Variants in LRIG1 observed in about 807,000 individuals in gnomAD.
LRIG1 encodes leucine rich repeats and immunoglobulin like domains 1, also known as leucine-rich repeats and immunoglobulin-like domains protein 1.
In LRIG1, 48 loss-of-function variants were observed where a neutral mutation model predicts 99.2. The observed-to-expected ratio is 0.48, with a 90% CI of 0.38 to 0.62. The LOEUF (loss-of-function observed/expected upper bound fraction) is 0.62, where lower values mean the gene tolerates loss of function less well. Ranked by LOEUF, LRIG1 falls within the 20% of genes least tolerant of loss-of-function variation. The pLI, the probability that LRIG1 is intolerant of heterozygous loss-of-function variation, is 0.00. For synonymous variants in LRIG1, 772 were observed against 596.1 expected (o/e 1.29, Z -4.30); for missense variants, 1,646 against 1,434.4 (o/e 1.15, Z -2.38).
chr3:66,389,654 T>C (rs201479870), intron 12 of LRIG1, among the ~76,000 whole-genome samples: 31 of 152,258 alleles, frequency 2.0e-4, no homozygotes, highest in East Asian at 7.7e-4. Context: ...ATATACCTAA[T>C]GGAGCGCCAC....
At chr3:66,393,942 G>C in intron 12 of LRIG1, 98 bp downstream of exon 12, 4 of 1,317,796 alleles carry the variant, frequency 3.0e-6, no homozygotes, top group Non-Finnish European at 4.3e-6. Context: ...ACGGGCTGGG[G>C]TTTACTCTGA....
intron 2 of LRIG1, among the ~76,000 whole-genome samples, chr3:66,460,175 G>A (rs1027071737): frequency 6.6e-6 from 1 of 152,176 alleles, no homozygotes; most frequent in Non-Finnish European, 1.5e-5. Context: ...CTGGACAGAG[G>A]AGATGCTCGA....
chr3:66,408,179 A>G (rs75256521), intron 7 of LRIG1, among the ~76,000 whole-genome samples: 2,588 of 152,302 alleles, frequency 0.017, 82 homozygotes, highest in African/African-American at 0.059. Flanking sequence ...TTGGTCATCT[A>G]TCGTTGAAAA....
chr3:66,417,111 C>T lies in LRIG1; in HGVS notation c.503+18G>A, dbSNP rs369910498. 17 of 1,612,066 alleles carry T rather than the reference C, an allele frequency of 1.1e-5. No homozygotes were observed. In the African/African-American group the frequency reaches 1.9e-4, roughly 18 times the overall value. On this transcript the variant is annotated intron_variant, in intron 4 of 18. Coordinates refer to ENST00000273261, the MANE Select transcript of LRIG1 (RefSeq NM_015541.3). ...GACACAGCGGGCCAGCCACAGGTGGCAGAACAGAGGCACTTACAGCTCCTT... is the reference window on the plus strand; with the variant it reads ...GACACAGCGGGCCAGCCACAGGTGGTAGAACAGAGGCACTTACAGCTCCTT...
intron 3 of LRIG1, among the ~76,000 whole-genome samples, chr3:66,443,752 G>A (rs1703625007): frequency 1.3e-5 from 2 of 152,214 alleles, no homozygotes; most frequent in South Asian, 2.1e-4. Flanking sequence ...GGCCTTGAGT[G>A]GGGCATGTGC....
chr3:66,397,848 G>C (rs943087274), intron 11 of LRIG1, among the ~76,000 whole-genome samples: 1 of 152,252 alleles, frequency 6.6e-6, no homozygotes, highest in African/African-American at 2.4e-5. Context: ...TGGTTAGCAA[G>C]CTTCAGCCTG....
intron 9 of LRIG1, among the ~76,000 whole-genome samples, chr3:66,403,831 C>T (rs1178777893): frequency 1.3e-5 from 2 of 152,182 alleles, no homozygotes; most frequent in East Asian, 1.9e-4. Flanking sequence ...ACCCTTCAAT[C>T]GGTTATGGCC....
intron 4 of LRIG1, among the ~76,000 whole-genome samples, chr3:66,415,880 G>T (rs963450395): frequency 6.6e-5 from 10 of 152,200 alleles, no homozygotes; most frequent in Non-Finnish European, 1.5e-4. Flanking sequence ...CCAAACAAAT[G>T]CTGCTTTTTC....
intron 7 of LRIG1, among the ~76,000 whole-genome samples, chr3:66,409,184 A>G (rs1702384469): frequency 1.3e-5 from 2 of 152,166 alleles, no homozygotes; most frequent in South Asian, 2.1e-4. Flanking sequence ...AAGCCTAGAA[A>G]AGGAAGAAAA....
At chr3:66,472,994 TA>T (rs957489659) in intron 1 of LRIG1, among the ~76,000 whole-genome samples, 9 of 151,176 alleles carry the variant, frequency 6.0e-5, no homozygotes, top group East Asian at 1.9e-4. Context: ...GTCAGAAGAT[TA>T]AAAAAAAAGC....
At chr3:66,416,875 CTGA>C (rs1702631196) in intron 4 of LRIG1, among the ~76,000 whole-genome samples, 1 of 152,242 alleles carries the variant, frequency 6.6e-6, no homozygotes, top group Non-Finnish European at 1.5e-5. Flanking sequence ...TCTTGGAGTG[CTGA>C]GTCCTTCCTG....
intron 3 of LRIG1, among the ~76,000 whole-genome samples, chr3:66,431,421 C>T (rs774721104): frequency 6.6e-6 from 1 of 152,192 alleles, no homozygotes; most frequent in Non-Finnish European, 1.5e-5. Context: ...AACCAAGAAG[C>T]GTCCGCACTA....
chr3:66,429,504 G>A (rs1703086923), intron 3 of LRIG1, among the ~76,000 whole-genome samples: 1 of 152,174 alleles, frequency 6.6e-6, no homozygotes, highest in Non-Finnish European at 1.5e-5. Flanking sequence ...CCAAATGTAT[G>A]ACATTCTGAG....
At chr3:66,447,423 T>G (rs1703765114) in intron 3 of LRIG1, among the ~76,000 whole-genome samples, 2 of 152,114 alleles carry the variant, frequency 1.3e-5, no homozygotes, top group South Asian at 4.1e-4. Context: ...TTTTCAAGAT[T>G]AGAAGTAAAA....
intron 1 of LRIG1, among the ~76,000 whole-genome samples, chr3:66,486,377 C>T (rs922042941): frequency 2.6e-5 from 4 of 152,146 alleles, no homozygotes; most frequent in Non-Finnish European, 4.4e-5. Context: ...AACCACCGTG[C>T]GTCATGAACC....
At chr3:66,385,708 C>G (rs1701339594) in intron 13 of LRIG1, among the ~76,000 whole-genome samples, 1 of 152,208 alleles carries the variant, frequency 6.6e-6, no homozygotes, top group South Asian at 2.1e-4. Context: ...CCACCTCAGT[C>G]TCCCAACTGC....
At position 66,500,650 on chromosome 3, in the gene LRIG1, C is replaced by CAT; in HGVS notation, c.-244_-243insAT. 3.3e-6 allele frequency: 1 copy of CAT among 306,880 alleles called. No homozygotes were observed. Among genetic ancestry groups the CAT allele is most frequent in the Non-Finnish European group, 6.0e-6 (1 of 167,946 alleles). The allele number at this position is 306,880 out of a possible 1,614,324, so 19.0% of individuals were successfully genotyped here. A position where few individuals can be genotyped will look rare whatever the true frequency, so the allele number is the denominator to read the frequency against. On this transcript the variant is annotated 5_prime_UTR_variant, in exon 1 of 19. In the 5' UTR this introduces an upstream ATG that the reference lacks. Transcript: ENST00000273261. ...CGCCCATCCGGGCCGGCCGGCCCGC[C>CAT]CGCGCTAGCTGCGAACTCCGCCGAT...
intron 13 of LRIG1, 150 bp downstream of exon 13, chr3:66,385,831 G>A: frequency 1.3e-6 from 1 of 748,544 alleles, no homozygotes; most frequent in Non-Finnish European, 2.2e-6. Flanking sequence ...CTTGCTCTGG[G>A]GCAAACCCAG....
chr3:66,489,333 G>A (rs1701047437), intron 1 of LRIG1, among the ~76,000 whole-genome samples: 1 of 152,126 alleles, frequency 6.6e-6, no homozygotes, highest in South Asian at 2.1e-4. Flanking sequence ...AGACCAGTCT[G>A]GGCAACACAG....
Sources: gnomAD v4.1 joint callset for allele counts (sites outside exome capture counted in the v4.1 genomes callset) on GRCh38, gnomAD v4.1.1 for gene constraint, MANE v1.5 for transcripts, NCBI Gene and HGNC (gene_info 2026-07-23, HGNC 2026-07-21) for gene names.